Variants in EBF1 observed in about 807,000 individuals in gnomAD.
The protein encoded by EBF1 is EBF transcription factor 1, also known as transcription factor COE1.
A neutral mutation model predicts 68.4 loss-of-function variants in EBF1; 10 were observed. The observed-to-expected ratio is 0.15, with a 90% CI of 0.09 to 0.25. The LOEUF (loss-of-function observed/expected upper bound fraction) is 0.25, where lower values mean the gene tolerates loss of function less well. Ranked by LOEUF, EBF1 falls within the 10% of genes least tolerant of loss-of-function variation. EBF1 has a pLI of 1.00. For missense variants in EBF1, 509 were observed against 794.4 expected, an observed-to-expected ratio of 0.64 and a Z score of 4.32; for synonymous variants, 298 against 299.8, an observed-to-expected ratio of 0.99 and a Z score of 0.06.
intron 4 of EBF1, among the ~76,000 whole-genome samples, chr5:159,087,375 T>C (rs1398815446): frequency 7.9e-5 from 11 of 139,840 alleles, no homozygotes; most frequent in African/African-American, 2.4e-4. Context: ...TATACACACA[T>C]ATATATACAC....
chr5:158,935,466 G>C lies in EBF1; in HGVS notation c.555-95356C>G, dbSNP rs146356947. Among the ~76,000 whole-genome samples the C allele has an allele frequency of 5.9e-5, 9 of 152,320 alleles. No individual in the cohort carries two copies. In the East Asian group the frequency reaches 1.5e-3, roughly 26 times the overall value. On this transcript the variant is annotated intron_variant, in intron 6 of 15. Coordinates refer to ENST00000313708, the MANE Select transcript of EBF1 (RefSeq NM_024007.5). ...AGCATAAGTGAACTGGGGCAGGCCA[G>C]CTGGTAGAACACCCTATATCCACTG...
intron 6 of EBF1, among the ~76,000 whole-genome samples, chr5:158,972,138 C>T (rs1755778334): frequency 6.6e-6 from 1 of 152,138 alleles, no homozygotes; most frequent in Non-Finnish European, 1.5e-5. Flanking sequence ...GGCTGATGAC[C>T]TTTGTGGGAA....
chr5:158,956,027 A>AATGT (rs1475259061), intron 6 of EBF1, among the ~76,000 whole-genome samples: 11 of 100,140 alleles, frequency 1.1e-4, no homozygotes, highest in African/African-American at 4.4e-4. Flanking sequence ...AATAAATATA[A>AATGT]ATGTGTGTGT....
chr5:158,866,867 A>G lies in EBF1; in HGVS notation c.555-26757T>C, dbSNP rs186809200. On this transcript the variant is annotated intron_variant, in intron 6 of 15. Coordinates refer to ENST00000313708, the MANE Select transcript of EBF1 (RefSeq NM_024007.5). ...TATATATATATATATATATATATAT[A>G]TATATATATATATATATATATATAT... 9.3e-3 allele frequency among the ~76,000 whole-genome samples: 644 copies of G among 69,390 alleles called. 27 individuals are homozygous for G. The highest frequency in any genetic ancestry group is 0.03 in the African/African-American group (587 of 19,834). The allele number at this position is 69,390 out of a possible 152,430, so 45.5% of individuals were successfully genotyped here.
chr5:158,819,950 T>G (rs759514729), intron 8 of EBF1, among the ~76,000 whole-genome samples: 1 of 152,112 alleles, frequency 6.6e-6, no homozygotes. Context: ...TCAACTCTCA[T>G]ACTTGAATTA....
intron 6 of EBF1, among the ~76,000 whole-genome samples, chr5:158,853,058 A>G (rs1793284727): frequency 6.6e-6 from 1 of 152,216 alleles, no homozygotes; most frequent in African/African-American, 2.4e-5. Flanking sequence ...CCAACATTGT[A>G]TGCAAACTTT....
intron 6 of EBF1, among the ~76,000 whole-genome samples, chr5:159,043,775 C>T (rs899350486): frequency 6.6e-6 from 1 of 152,186 alleles, no homozygotes; most frequent in Non-Finnish European, 1.5e-5. Flanking sequence ...CTTCATACGT[C>T]ATGAGGGCTT....
intron 8 of EBF1, among the ~76,000 whole-genome samples, chr5:158,807,250 C>G (rs186746104): frequency 6.6e-6 from 1 of 152,222 alleles, no homozygotes; most frequent in East Asian, 1.9e-4. Context: ...ATGAGGAGCA[C>G]AAAATCAAAT....
rs537755592 is a variant in EBF1 at position 159,074,655 on chromosome 5, A to G, written c.486-1191T>C. Among the ~76,000 whole-genome samples, 162 of 152,340 alleles carry G rather than the reference A, an allele frequency of 1.1e-3. 1 individual carries two copies. Among genetic ancestry groups the G allele is most frequent in the Middle Eastern group, 0.01 (3 of 294 alleles). ...AGGGAGTCCTTCACCAAAATTGGAA[A>G]GTCTCTTTTCTTGCCATAACTATGC... is the stretch of plus-strand genomic sequence containing the variant. On this transcript the variant is annotated intron_variant, in intron 5 of 15. Coordinates refer to ENST00000313708, the MANE Select transcript of EBF1 (RefSeq NM_024007.5).
At chr5:158,833,723 C>T (rs1409632824) in intron 7 of EBF1, among the ~76,000 whole-genome samples, 1 of 152,172 alleles carries the variant, frequency 6.6e-6, no homozygotes, top group Admixed American at 6.5e-5. Context: ...AGGACAACAC[C>T]TGCTCGTCAA....
chr5:158,840,025 C>T lies in EBF1; in HGVS notation c.636+4G>A, dbSNP rs1334681375. ...GAGATTCAAGAAAGATAAGTCAGAC[C>T]CACCTGGAATCTCCGCATGTCACGT... On this transcript the variant is annotated splice_donor_region_variant and intron_variant, in intron 7 of 15. Transcript: ENST00000313708. 1.2e-6 allele frequency: 2 copies of T among 1,613,466 alleles called. No homozygotes were observed. The highest frequency in any genetic ancestry group is 1.3e-5 in the African/African-American group (1 of 74,978).
At chr5:158,958,631 T>C (rs1423933519) in intron 6 of EBF1, among the ~76,000 whole-genome samples, 1 of 152,108 alleles carries the variant, frequency 6.6e-6, no homozygotes, top group Non-Finnish European at 1.5e-5. Context: ...TCTCAGCATT[T>C]TCCCCCCACA....
intron 6 of EBF1, among the ~76,000 whole-genome samples, chr5:158,932,540 TA>T (rs1811114667): frequency 6.6e-6 from 1 of 152,212 alleles, no homozygotes; most frequent in Admixed American, 6.5e-5. Flanking sequence ...TTATACTTTG[TA>T]AAAAGTATTC....
At chr5:159,045,995 A>G (rs753265970) in intron 6 of EBF1, among the ~76,000 whole-genome samples, 13 of 152,138 alleles carry the variant, frequency 8.5e-5, no homozygotes, top group Non-Finnish European at 1.6e-4. Flanking sequence ...GCCACCAGTA[A>G]TGACCAAGAC....
At chr5:158,995,101 ATCT>A (rs1439711255) in intron 6 of EBF1, among the ~76,000 whole-genome samples, 5 of 152,170 alleles carry the variant, frequency 3.3e-5, no homozygotes, top group Non-Finnish European at 7.4e-5. Context: ...AGGAAAACTC[ATCT>A]TCTGTCTCAG....
At chr5:158,774,851 TC>T (rs1416538549) in intron 10 of EBF1, among the ~76,000 whole-genome samples, 1 of 151,918 alleles carries the variant, frequency 6.6e-6, no homozygotes, top group Non-Finnish European at 1.5e-5. Context: ...TTCCCTTTCA[TC>T]AGAAATGATG....
At chr5:159,002,157 CTT>C (rs201178368) in intron 6 of EBF1, among the ~76,000 whole-genome samples, 112 of 133,654 alleles carry the variant, frequency 8.4e-4, no homozygotes, top group African/African-American at 1.2e-3. Flanking sequence ...TCCCCCAAGC[CTT>C]TTTTTTTTTT....
At chr5:159,013,150 T>A (rs1764995586) in intron 6 of EBF1, among the ~76,000 whole-genome samples, 2 of 152,234 alleles carry the variant, frequency 1.3e-5, no homozygotes, top group African/African-American at 4.8e-5. Context: ...ATATTTATAT[T>A]AAAGTCCTTT....
At chr5:158,702,378 C>G (rs1049142859) in intron 15 of EBF1, among the ~76,000 whole-genome samples, 8 of 152,162 alleles carry the variant, frequency 5.3e-5, no homozygotes, top group African/African-American at 1.9e-4. Flanking sequence ...ACACCACCCT[C>G]TCAGCACCAT....
Sources: allele counts gnomAD v4.1 joint callset (sites outside exome capture counted in the v4.1 genomes callset), GRCh38; gene constraint gnomAD v4.1.1; transcripts MANE v1.5; gene names NCBI Gene and HGNC (gene_info 2026-07-23, HGNC 2026-07-21).